The following SLC1A3 variants were observed in gnomAD, a reference collection of about 807,000 sequenced individuals.
SLC1A3 encodes the protein solute carrier family 1 member 3, also known as excitatory amino acid transporter 1.
A neutral mutation model predicts 48.1 loss-of-function variants in SLC1A3; 21 were observed. The ratio of observed to expected loss-of-function variants is 0.44; its 90% confidence interval spans 0.31 to 0.63. The LOEUF (loss-of-function observed/expected upper bound fraction) is 0.63. SLC1A3 is among the 20% of genes least tolerant of loss of function. The pLI is 0.08. For synonymous variants in SLC1A3, 239 were observed against 251.4 expected, an observed-to-expected ratio of 0.95 and a Z score of 0.47; for missense variants, 546 against 689.0, an observed-to-expected ratio of 0.79 and a Z score of 2.32.
intron 6 of SLC1A3, 91 bp downstream of exon 6, chr5:36,677,275 G>C: frequency 8.9e-7 from 1 of 1,123,186 alleles, no homozygotes; most frequent in Non-Finnish European, 1.3e-6. Flanking sequence ...CACGAGGCAG[G>C]ATGGCCAATT....
chr5:36,599,898 C>T (rs1301419475), intron 1 of SLC1A3, among the ~76,000 whole-genome samples: 2 of 151,862 alleles, frequency 1.3e-5, no homozygotes, highest in Non-Finnish European at 2.9e-5. Flanking sequence ...CTAGGCTCAC[C>T]GCAACCTCCG....
intron 3 of SLC1A3, among the ~76,000 whole-genome samples, chr5:36,643,447 G>T (rs557346121): frequency 6.6e-6 from 1 of 152,144 alleles, no homozygotes; most frequent in African/African-American, 2.4e-5. Context: ...GTGCCTATTA[G>T]TCATTCATAC....
At chr5:36,661,886 G>A (rs950320198) in intron 3 of SLC1A3, among the ~76,000 whole-genome samples, 4 of 152,222 alleles carry the variant, frequency 2.6e-5, no homozygotes, top group Admixed American at 1.3e-4. Context: ...CAAGCCTGGT[G>A]GTGGAATTCG....
intron 3 of SLC1A3, chr5:36,667,642 A>G (rs1439732122): frequency 6.6e-6 from 1 of 152,216 alleles, no homozygotes; most frequent in Non-Finnish European, 1.5e-5. Flanking sequence ...TCATGGAATT[A>G]AATGACCATT....
At chr5:36,597,079 G>A (rs1055320191) in intron 1 of SLC1A3, among the ~76,000 whole-genome samples, 1 of 151,954 alleles carries the variant, frequency 6.6e-6, no homozygotes, top group African/African-American at 2.4e-5. Flanking sequence ...TGGAGATTGG[G>A]TAATTCTTGG....
chr5:36,655,782 C>T (rs941841433), intron 3 of SLC1A3, among the ~76,000 whole-genome samples: 2 of 152,204 alleles, frequency 1.3e-5, no homozygotes, highest in African/African-American at 4.8e-5. Flanking sequence ...ACCTGGAGGG[C>T]CCCGGCCAGT....
intron 1 of SLC1A3, 107 bp downstream of exon 1, chr5:36,606,842 A>G (rs1002105942): frequency 6.6e-6 from 1 of 152,362 alleles, no homozygotes; most frequent in African/African-American, 2.4e-5. Flanking sequence ...AAGGCTAGCC[A>G]TTTTGGTAGA....
intron 3 of SLC1A3, among the ~76,000 whole-genome samples, chr5:36,639,335 G>A (rs568830176): frequency 1.5e-4 from 23 of 152,216 alleles, no homozygotes; most frequent in African/African-American, 5.1e-4. Context: ...CTAAAACATC[G>A]GCACTATTAA....
chr5:36,603,538 T>G (rs573144280), upstream of SLC1A3, among the ~76,000 whole-genome samples: 9 of 152,392 alleles, frequency 5.9e-5, no homozygotes, highest in Non-Finnish European at 7.3e-5. Flanking sequence ...TTCATATGAC[T>G]ATAACTTTAA....
rs1055145901 is a variant in SLC1A3, at chr5:36,687,393, A to C, written c.*1124A>C. ...CAAGAGTACAGGTCTTCTTTAAGGA[A>C]GAATAAAAAAGAAGAGGTTCATTTT... is the stretch of plus-strand genomic sequence containing the variant. On this transcript the variant is annotated 3_prime_UTR_variant, in exon 10 of 10. Transcript: ENST00000265113. 1 of 152,240 alleles carries C rather than the reference A, an allele frequency of 6.6e-6. No homozygotes were observed. The highest frequency in any genetic ancestry group is 2.4e-5 in the African/African-American group (1 of 41,468). 9.4% of individuals were successfully genotyped at this position (152,240 alleles called of 1,614,324 possible).
intron 1 of SLC1A3, among the ~76,000 whole-genome samples, chr5:36,599,501 G>T (rs1338151281): frequency 1.3e-5 from 1 of 74,388 alleles, no homozygotes; most frequent in Non-Finnish European, 2.7e-5. Flanking sequence ...TCGTAGCTAC[G>T]GTTGAACTTT....
At chr5:36,625,232 C>T (rs147157662) in intron 2 of SLC1A3, among the ~76,000 whole-genome samples, 5 of 152,170 alleles carry the variant, frequency 3.3e-5, no homozygotes, top group African/African-American at 7.2e-5. Context: ...CCGAGGCAGG[C>T]GGATCACGTG....
intron 2 of SLC1A3, among the ~76,000 whole-genome samples, chr5:36,620,550 C>T (rs1417295968): frequency 6.6e-6 from 1 of 152,196 alleles, no homozygotes; most frequent in East Asian, 1.9e-4. Flanking sequence ...TTCCTGCATT[C>T]AGAAAGTGTG....
Position 36,632,841 on chromosome 5 carries a change from C to G in SLC1A3, c.319+3254C>G, listed in dbSNP as rs112562806. Among the ~76,000 whole-genome samples the G allele has an allele frequency of 3.2e-3, 488 of 152,346 alleles. 3 individuals carry two copies. Among genetic ancestry groups the G allele is most frequent in the Admixed American group, 0.011 (168 of 15,300 alleles). On this transcript the variant is annotated intron_variant, in intron 3 of 9. Transcript: ENST00000265113. ...ACATCCGTGTTTATGAGTTGTGGCT[C>G]TATAGCCCTTGTAAGCCATGTTCCC...
rs1742705082 is a variant in SLC1A3, at chr5:36,687,569, A to G, written c.*1300A>G. On this transcript the variant is annotated 3_prime_UTR_variant, in exon 10 of 10. Coordinates refer to ENST00000265113, the MANE Select transcript of SLC1A3 (RefSeq NM_004172.5). ...ATAGAAGTCCATGAGTTGAGTGGGT[A>G]TTTCTTATTTGAAAGTGTTTTTCTT... 1 of 152,212 alleles carries G rather than the reference A, an allele frequency of 6.6e-6. No homozygotes were observed. The highest frequency in any genetic ancestry group is 2.1e-4 in the South Asian group (1 of 4,836). The allele number at this position is 152,212 out of a possible 1,614,324, so 9.4% of individuals were successfully genotyped here.
At chr5:36,620,505 G>A (rs1054216018) in intron 2 of SLC1A3, among the ~76,000 whole-genome samples, 21 of 152,280 alleles carry the variant, frequency 1.4e-4, no homozygotes, top group Admixed American at 7.8e-4. Context: ...TTGCAGTAGG[G>A]AATCAGATTT....
upstream of SLC1A3, among the ~76,000 whole-genome samples, chr5:36,602,772 G>C (rs1017954464): frequency 6.6e-6 from 1 of 152,152 alleles, no homozygotes; most frequent in African/African-American, 2.4e-5. Flanking sequence ...TGTTCCCTAG[G>C]CTTCTGCCCT....
intron 2 of SLC1A3, among the ~76,000 whole-genome samples, chr5:36,627,115 G>A (rs1453748469): frequency 6.6e-6 from 1 of 151,482 alleles, no homozygotes; most frequent in African/African-American, 2.4e-5. Flanking sequence ...ATAGGCAAAG[G>A]GTAATTATCT....
chr5:36,613,032 T>C (rs1284885379), intron 2 of SLC1A3: 1 of 343,948 alleles, frequency 2.9e-6, no homozygotes, highest in Non-Finnish European at 5.8e-6. Flanking sequence ...GGTGGCAGAG[T>C]GGCTGATGAT....
Sources: allele counts gnomAD v4.1 joint callset (sites outside exome capture counted in the v4.1 genomes callset), GRCh38; gene constraint gnomAD v4.1.1; transcripts MANE v1.5; gene names NCBI Gene and HGNC (gene_info 2026-07-23, HGNC 2026-07-21).